Variants in SARS2 observed in about 807,000 individuals in gnomAD.
SARS2 encodes the protein seryl-tRNA synthetase 2, mitochondrial, also known as serine--tRNA ligase, mitochondrial.
A neutral mutation model predicts 66.8 loss-of-function variants in SARS2; 52 were observed. That is an observed-to-expected ratio of 0.78 (90% CI 0.62 to 0.98). SARS2 has a LOEUF of 0.98. SARS2 is among the 50% of genes least tolerant of loss of function. The probability of loss-of-function intolerance (pLI) is 0.00; values close to 1 mark genes in which losing one functional copy is unlikely to be tolerated. For synonymous variants in SARS2, 306 were observed against 281.4 expected, an observed-to-expected ratio of 1.09 and a Z score of -0.87; for missense variants, 673 against 706.3, an observed-to-expected ratio of 0.95 and a Z score of 0.53.
chr19:38,930,678 G>A lies in SARS2; in HGVS notation c.59C>T (p.Pro20Leu). Residue 20 changes from proline (P) to leucine (L), a missense_variant, in exon 1 of 16, where the codon CCC (proline) becomes CTC (leucine). Physicochemically the swap from Pro to Leu is moderately conservative, Grantham distance 98. Coordinates refer to ENST00000221431, the MANE Select transcript of SARS2 (RefSeq NM_017827.4). ...WPLLTRRGFRPRGGCISNDSP... is the reference protein window; with the variant it reads ...WPLLTRRGFRLRGGCISNDSP... Reference sequence around the variant, plus strand: ...ATCGTTGGAGATGCAGCCTCCCCGGGGCCGGAACCCCCGACGAGTCAGCAA... The same window carrying A: ...ATCGTTGGAGATGCAGCCTCCCCGGAGCCGGAACCCCCGACGAGTCAGCAA... 3.1e-6 allele frequency: 5 copies of A among 1,614,044 alleles called. No individual in the cohort carries two copies. Among genetic ancestry groups the A allele is most frequent in the Non-Finnish European group, 4.2e-6 (5 of 1,180,034 alleles).
chr19:38,928,899 G>A (rs1387302844), intron 1 of SARS2, among the ~76,000 whole-genome samples: 3 of 152,152 alleles, frequency 2.0e-5, no homozygotes, highest in Non-Finnish European at 4.4e-5. Context: ...ATTGTAATTA[G>A]TATATATGTA....
chr19:38,930,724 T>C lies in SARS2; in HGVS notation c.13A>G (p.Met5Val), dbSNP rs1220623136. Residue 5 changes from methionine (M) to valine (V), a missense_variant, in exon 1 of 16, where the codon ATG (methionine) becomes GTG (valine). Transcript: ENST00000221431. Reference protein sequence around the residue: MAASMARRLWPLLTR... With the variant: MAASVARRLWPLLTR... ...AGCAAAGGCCACAAGCGCCGCGCCATGGACGCAGCCATCTTGGACCGGGAA... is the reference window on the plus strand; with the variant it reads ...AGCAAAGGCCACAAGCGCCGCGCCACGGACGCAGCCATCTTGGACCGGGAA... The C allele has an allele frequency of 3.7e-6, 6 of 1,613,494 alleles. No homozygotes were observed. Among genetic ancestry groups the C allele is most frequent in the Admixed American group, 1.7e-5 (1 of 60,028 alleles).
Position 38,915,839 on chromosome 19 carries a change from A to C in SARS2, c.1413+2T>G. 6.2e-7 allele frequency: 1 copy of C among 1,613,526 alleles called. No homozygotes were observed. Among genetic ancestry groups the C allele is most frequent in the Non-Finnish European group, 8.5e-7 (1 of 1,179,954 alleles). The stretch of plus-strand genomic sequence containing the variant: ...CTCTGGGTGGGCCCCTCAGCCCCTC[A>C]CCTTCTGCTGGTTACTCTCCAGGAG... On this transcript the variant is annotated splice_donor_variant, in intron 15 of 15. Transcript: ENST00000221431. LOFTEE classifies it high-confidence loss of function.
intron 12 of SARS2, among the ~76,000 whole-genome samples, chr19:38,917,332 G>A (rs765914490): frequency 5.3e-5 from 8 of 152,190 alleles, no homozygotes; most frequent in East Asian, 3.8e-4. Context: ...TGAAAGCTGC[G>A]TGTGACTGAC....
intron 3 of SARS2, 113 bp downstream of exon 3, chr19:38,922,125 T>C (rs1974548354): frequency 6.2e-7 from 1 of 1,606,674 alleles, no homozygotes; most frequent in South Asian, 1.1e-5. Context: ...TATTTTTTTT[T>C]TCCCCTTAAA....
At chr19:38,920,822 C>A (rs111067340) in intron 5 of SARS2, among the ~76,000 whole-genome samples, 6,072 of 151,766 alleles carry the variant, frequency 0.04, 401 homozygotes, top group African/African-American at 0.14. Flanking sequence ...GAGACAGACA[C>A]ATACACACAG....
chr19:38,923,308 G>A (rs1396472870), intron 2 of SARS2, among the ~76,000 whole-genome samples: 3 of 124,612 alleles, frequency 2.4e-5, no homozygotes, highest in Admixed American at 9.0e-5. Flanking sequence ...TGCAAGCTCC[G>A]CCTCCCGGGT....
At position 38,915,673 on chromosome 19, in the gene SARS2, G is replaced by A; in HGVS notation, c.1490C>T (p.Pro497Leu). The A allele has an allele frequency of 6.2e-7, 1 of 1,613,354 alleles. No homozygotes were observed. The highest frequency in any genetic ancestry group is 8.5e-7 in the Non-Finnish European group (1 of 1,179,682). ...TDRITAPTHV[P>L]LQYIGPNQPR... ...CTGGTTGGGGCCGATGTACTGGAGA[G>A]GCACGTGGGTAGGGGCTGTGATCCG... Residue 497 changes from proline to leucine, a missense_variant, in exon 16 of 16, where the codon CCT (proline) becomes CTT (leucine). Transcript: ENST00000221431.
chr19:38,916,489 AAGG>A (rs1974421146), intron 12 of SARS2, among the ~76,000 whole-genome samples, 175 bp from the exon 13 acceptor site: 1 of 152,050 alleles, frequency 6.6e-6, no homozygotes, highest in South Asian at 2.1e-4. Flanking sequence ...AAACAAAAAA[AAGG>A]AGACGATAGT....
Position 38,918,815 on chromosome 19 carries a change from T to TG in SARS2, c.760-3dup. 6.4e-7 allele frequency: 1 copy of TG among 1,559,590 alleles called. No homozygotes were observed. Among genetic ancestry groups the TG allele is most frequent in the Non-Finnish European group, 8.7e-7 (1 of 1,150,856 alleles). ...TGGCACCGTCATGGGGGTGAAGCCCTGTTCAGGGGAGAGGATGAGTGAGCA... is the reference window on the plus strand; with the variant it reads ...TGGCACCGTCATGGGGGTGAAGCCCTGGTTCAGGGGAGAGGATGAGTGAGCA... On this transcript the variant is annotated splice_region_variant and splice_polypyrimidine_tract_variant and intron_variant, in intron 7 of 15. Coordinates refer to ENST00000221431, the MANE Select transcript of SARS2 (RefSeq NM_017827.4).
chr19:38,915,626 C>G lies in SARS2; in HGVS notation c.1537G>C (p.Gly513Arg). 1 of 1,612,798 alleles carries G rather than the reference C, an allele frequency of 6.2e-7. No individual in the cohort carries two copies. The highest frequency in any genetic ancestry group is 8.5e-7 in the Non-Finnish European group (1 of 1,179,800). The change falls in exon 16 of 16, where the codon GGC (glycine) becomes CGC (arginine). Residue 513 changes from glycine (G) to arginine (R), a missense_variant. Transcript: ENST00000221431. ...PNQPRKPGLP[G>R]QPAVS ...GGTTCTTAGCTTACAGCAGGCTGGC[C>G]AGGCAGCCCAGGCTTCCGGGGCTGG... is the stretch of plus-strand genomic sequence containing the variant.
At chr19:38,922,161 ATAG>A (rs1205703477) in intron 3 of SARS2, 74 bp downstream of exon 3, 16 of 1,600,494 alleles carry the variant, frequency 1.0e-5, no homozygotes. Flanking sequence ...TTCTGTTACA[ATAG>A]TAGAATCGTG....
chr19:38,919,451 T>A (rs959332608), intron 7 of SARS2, among the ~76,000 whole-genome samples: 7 of 152,210 alleles, frequency 4.6e-5, no homozygotes, highest in Non-Finnish European at 1.0e-4. Context: ...AAATGCTCCC[T>A]TTATACCGCA....
At chr19:38,918,268 T>A in intron 9 of SARS2, 129 bp from the exon 10 acceptor site, 1 of 1,150,492 alleles carries the variant, frequency 8.7e-7, no homozygotes. Flanking sequence ...ATCACTGTAC[T>A]GCTGTACAGT....
At chr19:38,927,902 G>A (rs980034219) in intron 1 of SARS2, among the ~76,000 whole-genome samples, 6 of 151,774 alleles carry the variant, frequency 4.0e-5, no homozygotes, top group Non-Finnish European at 8.8e-5. Flanking sequence ...GGGTGGAGGC[G>A]TGCGCCTGTA....
At chr19:38,918,641 T>A in intron 8 of SARS2, 111 bp from the exon 9 acceptor site, 1 of 1,394,776 alleles carries the variant, frequency 7.2e-7, no homozygotes, top group Non-Finnish European at 1.0e-6. Context: ...TGCCCTGGCC[T>A]CCCTGGTATG....
chr19:38,929,412 C>T (rs1974689767), intron 1 of SARS2, among the ~76,000 whole-genome samples: 2 of 151,614 alleles, frequency 1.3e-5, no homozygotes, highest in South Asian at 2.1e-4. Context: ...AAAGTTTAGC[C>T]GGGCGTGGTG....
At position 38,917,999 on chromosome 19, in the gene SARS2, G is replaced by A. The variant is rs1288053161; in HGVS notation, c.972C>T (p.Cys324=). ...AFRDLPVRMV[C]SSTCYRAETN... The stretch of plus-strand genomic sequence containing the variant: ...TCTCTGCCCGGTAGCAGGTGCTGGA[G>A]CAAACCATCCTGGCAGAGAGCAGGG... The change falls in exon 11 of 16, where the codon TGC becomes TGT. Residue 324 remains cysteine, a synonymous_variant. Coordinates refer to ENST00000221431, the MANE Select transcript of SARS2 (RefSeq NM_017827.4). 1.9e-6 allele frequency: 3 copies of A among 1,601,970 alleles called. No homozygotes were observed. Among genetic ancestry groups the A allele is most frequent in the Non-Finnish European group, 8.5e-7 (1 of 1,174,024 alleles).
chr19:38,919,566 C>T lies in SARS2; in HGVS notation c.759+196G>A, dbSNP rs367652677. On this transcript the variant is annotated intron_variant, in intron 7 of 15. Transcript: ENST00000221431. ...GTACCTCCCCTCTCTGGGCCTCAAGCCCTCTCTGTAAAGTGGGGATGATGA... is the reference window on the plus strand; with the variant it reads ...GTACCTCCCCTCTCTGGGCCTCAAGTCCTCTCTGTAAAGTGGGGATGATGA... Among the ~76,000 whole-genome samples the T allele has an allele frequency of 2.3e-4, 35 of 152,346 alleles. No homozygotes were observed. In the East Asian group the frequency reaches 2.7e-3, roughly 12 times the overall value.
Sources: gnomAD v4.1 joint callset for allele counts (sites outside exome capture counted in the v4.1 genomes callset) on GRCh38, gnomAD v4.1.1 for gene constraint, MANE v1.5 for transcripts, NCBI Gene and HGNC (gene_info 2026-07-23, HGNC 2026-07-21) for gene names.